SLIT3: variants seen among roughly 807,000 people sequenced by gnomAD.
SLIT3 encodes the protein slit guidance ligand 3, also known as slit homolog 3 protein.
In SLIT3, 68 loss-of-function variants were observed where a neutral mutation model predicts 184.0. The ratio of observed to expected loss-of-function variants is 0.37; its 90% CI spans 0.30 to 0.45. The LOEUF is 0.45. Among genes scored for constraint, SLIT3 ranks in the 20% least tolerant of loss-of-function variants. SLIT3 has a pLI of 1.00. For missense variants in SLIT3, 1,707 were observed against 2,026.0 expected (o/e 0.84, Z 3.02); for synonymous variants, 831 against 828.6 (o/e 1.00, Z -0.05).
At chr5:168,692,971 C>A (rs548523812) in intron 28 of SLIT3, among the ~76,000 whole-genome samples, 1 of 152,322 alleles carries the variant, frequency 6.6e-6, no homozygotes, top group East Asian at 1.9e-4. Flanking sequence ...TTTACTTGAT[C>A]TTTCAGGGGC....
At chr5:169,244,399 G>T (rs1010708697) in intron 3 of SLIT3, among the ~76,000 whole-genome samples, 7 of 152,188 alleles carry the variant, frequency 4.6e-5, no homozygotes, top group Admixed American at 2.0e-4. Flanking sequence ...GGAAGGGAAG[G>T]TTTACACTTG....
chr5:169,200,736 G>C (rs1356787915), intron 3 of SLIT3, among the ~76,000 whole-genome samples: 1 of 152,176 alleles, frequency 6.6e-6, no homozygotes, highest in Non-Finnish European at 1.5e-5. Context: ...GTTGTTTACT[G>C]TAGTCACTGA....
chr5:169,065,580 TC>T (rs1758324380), intron 4 of SLIT3, among the ~76,000 whole-genome samples: 1 of 152,232 alleles, frequency 6.6e-6, no homozygotes, highest in African/African-American at 2.4e-5. Flanking sequence ...ACCTTTGTCT[TC>T]GTCACATCAG....
chr5:168,978,596 T>G (rs1003659131), intron 4 of SLIT3, among the ~76,000 whole-genome samples: 1 of 152,166 alleles, frequency 6.6e-6, no homozygotes, highest in Admixed American at 6.5e-5. Context: ...TTTCCAGAAC[T>G]TCACCACATA....
In SLIT3 at chr5:168,760,857, C is replaced by T; in HGVS notation, c.1685+5G>A. The T allele has an allele frequency of 6.2e-7, 1 of 1,610,996 alleles. No homozygotes were observed. Among genetic ancestry groups the T allele is most frequent in the Non-Finnish European group, 8.5e-7 (1 of 1,177,162 alleles). ...GCTGCTGCCAAGTTCCTGAAGTTGA[C>T]TTACATTTTCCGCAGGTTGGGCAAC... On this transcript the variant is annotated splice_donor_5th_base_variant and intron_variant, in intron 16 of 35. Coordinates refer to ENST00000519560, the MANE Select transcript of SLIT3 (RefSeq NM_003062.4).
intron 10 of SLIT3, chr5:168,791,338 C>T (rs1258697340): frequency 1.3e-5 from 2 of 152,272 alleles, no homozygotes; most frequent in African/African-American, 4.8e-5. Flanking sequence ...CAGTCCACAA[C>T]TAGACTTCTG....
intron 4 of SLIT3, among the ~76,000 whole-genome samples, chr5:169,137,812 C>G (rs187989108): frequency 2.0e-5 from 3 of 152,158 alleles, no homozygotes; most frequent in South Asian, 4.2e-4. Context: ...CAGTCCCTCA[C>G]AAAGCAAGAT....
At chr5:169,025,694 GTA>G (rs1402878373) in intron 4 of SLIT3, among the ~76,000 whole-genome samples, 1 of 152,104 alleles carries the variant, frequency 6.6e-6, no homozygotes, top group African/African-American at 2.4e-5. Flanking sequence ...TAGAGTCATG[GTA>G]TGCAAATAAT....
intron 4 of SLIT3, among the ~76,000 whole-genome samples, chr5:168,980,815 T>C (rs1428302970): frequency 9.2e-5 from 14 of 152,222 alleles, no homozygotes; most frequent in Non-Finnish European, 1.5e-5. Context: ...TAGAATACCA[T>C]GCAAGTATTC....
At chr5:169,039,492 A>G (rs997778473) in intron 4 of SLIT3, among the ~76,000 whole-genome samples, 4 of 151,380 alleles carry the variant, frequency 2.6e-5, no homozygotes, top group Non-Finnish European at 5.9e-5. Context: ...AATTTTTTGT[A>G]TTTTTTAGTA....
At chr5:168,751,579 G>A (rs551487769) in intron 18 of SLIT3, among the ~76,000 whole-genome samples, 1 of 152,272 alleles carries the variant, frequency 6.6e-6, no homozygotes, top group South Asian at 2.1e-4. Context: ...TCTGAACCTA[G>A]GAAATTTGGC....
chr5:168,674,489 C>CTT (rs141548947), intron 32 of SLIT3, among the ~76,000 whole-genome samples: 3,138 of 119,848 alleles, frequency 0.026, 219 homozygotes, highest in African/African-American at 0.089. Context: ...GGGATATTCA[C>CTT]TTTTTTTTTT....
intron 4 of SLIT3, among the ~76,000 whole-genome samples, chr5:169,032,562 T>G (rs1757068545): frequency 6.6e-6 from 1 of 151,682 alleles, no homozygotes; most frequent in Admixed American, 6.6e-5. Context: ...TTTACTTAAG[T>G]TGAACTTATA....
At chr5:169,251,903 A>G (rs1214429237) in intron 1 of SLIT3, among the ~76,000 whole-genome samples, 1 of 152,142 alleles carries the variant, frequency 6.6e-6, no homozygotes, top group Non-Finnish European at 1.5e-5. Context: ...ATCTACTGGG[A>G]TTGCTAAGCT....
In SLIT3 at chr5:169,268,549, G is replaced by C. The variant is rs542007523; in HGVS notation, c.198-17090C>G. 2.0e-5 allele frequency among the ~76,000 whole-genome samples: 3 copies of C among 152,242 alleles called. No homozygotes were observed. The East Asian group carries it at 5.8e-4, about 29-fold the overall frequency. On this transcript the variant is annotated intron_variant, in intron 1 of 35. Transcript: ENST00000519560. The stretch of plus-strand genomic sequence containing the variant: ...AGCAGAGAACCTTTCTTACACATCT[G>C]GGCATCACCCACAGAGCAGACACAG...
intron 4 of SLIT3, among the ~76,000 whole-genome samples, chr5:169,058,244 A>T (rs776867671): frequency 6.6e-6 from 1 of 152,236 alleles, no homozygotes; most frequent in Non-Finnish European, 1.5e-5. Context: ...CAAAGTGCAG[A>T]TGCAAATACC....
chr5:168,678,263 G>A (rs1761473240), intron 32 of SLIT3, among the ~76,000 whole-genome samples: 1 of 152,166 alleles, frequency 6.6e-6, no homozygotes, highest in Non-Finnish European at 1.5e-5. Flanking sequence ...GTTCAGGGTA[G>A]GCAGTGCTAA....
At position 168,816,693 on chromosome 5, in the gene SLIT3, A is replaced by G. The variant is rs571731614; in HGVS notation, c.793+607T>C. ...GCTCAGCACATTTTGTGAGCCCACTAAACTATAATAATTAAGCTCCACTGA... is the reference window on the plus strand; with the variant it reads ...GCTCAGCACATTTTGTGAGCCCACTGAACTATAATAATTAAGCTCCACTGA... On this transcript the variant is annotated intron_variant, in intron 8 of 35. Coordinates refer to ENST00000519560, the MANE Select transcript of SLIT3 (RefSeq NM_003062.4). Among the ~76,000 whole-genome samples the G allele has an allele frequency of 4.6e-5, 7 of 152,346 alleles. No homozygotes were observed. In the South Asian group the frequency reaches 1.5e-3, roughly 32 times the overall value.
chr5:168,692,276 G>A (rs777127157), intron 29 of SLIT3, among the ~76,000 whole-genome samples: 7 of 152,220 alleles, frequency 4.6e-5, no homozygotes, highest in Non-Finnish European at 1.0e-4. Context: ...AGAAAGGAGG[G>A]ATATGCTGAG....
Sources: allele counts gnomAD v4.1 joint callset (sites outside exome capture counted in the v4.1 genomes callset), GRCh38; gene constraint gnomAD v4.1.1; transcripts MANE v1.5; gene names NCBI Gene and HGNC (gene_info 2026-07-23, HGNC 2026-07-21).